Variants in DCHS2 observed in about 807,000 individuals in gnomAD.
The protein encoded by DCHS2 is protocadherin-23.
Under a neutral mutation model 182.4 loss-of-function variants are expected in DCHS2, and 142 were observed. The ratio of observed to expected loss-of-function variants is 0.78; its 90% CI spans 0.68 to 0.89. The LOEUF (loss-of-function observed/expected upper bound fraction) is 0.89. Ranked by LOEUF, DCHS2 falls within the 40% of genes least tolerant of loss-of-function variation. The pLI, the probability that DCHS2 is intolerant of heterozygous loss-of-function variation, is 0.00. For synonymous variants in DCHS2, 1,740 were observed against 1,663.3 expected, an observed-to-expected ratio of 1.05 and a Z score of -1.12; for missense variants, 4,319 against 4,198.6, an observed-to-expected ratio of 1.03 and a Z score of -0.79.
intron 7 of DCHS2, 76 bp from the exon 8 acceptor site, chr4:154,322,564 T>G: frequency 6.9e-7 from 1 of 1,453,696 alleles, no homozygotes; most frequent in East Asian, 2.5e-5. Context: ...ATCCAATATA[T>G]CGATCATTTG....
At position 154,471,952 on chromosome 4, in the gene DCHS2, T is replaced by C. The variant is rs77251472; in HGVS notation, c.2052+17352A>G. ...CTGAAAAATCATCTTCTTATTTCAA[T>C]AGTAATGGCATTAAGGATTCTACTA... On this transcript the variant is annotated intron_variant, in intron 1 of 19. Transcript: ENST00000357232. 5.2e-3 allele frequency among the ~76,000 whole-genome samples: 794 copies of C among 152,276 alleles called. 10 individuals carry two copies. Among genetic ancestry groups the C allele is most frequent in the African/African-American group, 0.019 (771 of 41,560 alleles).
chr4:154,403,235 T>C (rs972515604), intron 1 of DCHS2, among the ~76,000 whole-genome samples: 1 of 152,202 alleles, frequency 6.6e-6, no homozygotes, highest in Non-Finnish European at 1.5e-5. Context: ...ACATTTTTCT[T>C]TTTCCTAATC....
chr4:154,408,591 G>C (rs1231090841), intron 1 of DCHS2, among the ~76,000 whole-genome samples: 1 of 152,176 alleles, frequency 6.6e-6, no homozygotes, highest in Non-Finnish European at 1.5e-5. Context: ...GAAGCCCTTA[G>C]CACTCATTCC....
At chr4:154,248,055 G>A (rs1236248016) in intron 16 of DCHS2, among the ~76,000 whole-genome samples, 9 of 152,184 alleles carry the variant, frequency 5.9e-5, no homozygotes, top group African/African-American at 2.2e-4. Context: ...TAGAATATTT[G>A]ATGAAAGGCA....
At chr4:154,282,001 T>G (rs1444102581) in intron 13 of DCHS2, among the ~76,000 whole-genome samples, 1 of 152,110 alleles carries the variant, frequency 6.6e-6, no homozygotes, top group African/African-American at 2.4e-5. Flanking sequence ...GTTGGACCCT[T>G]TTCTTATACA....
At chr4:154,486,417 T>C (rs12501998) in intron 1 of DCHS2, 947,325 of 1,301,128 alleles carry the variant, frequency 0.73, 347,994 homozygotes, top group East Asian at 0.99. Flanking sequence ...TTTTATCAGA[T>C]GACATGGTAT....
intron 15 of DCHS2, among the ~76,000 whole-genome samples, chr4:154,256,170 G>C (rs1732656565): frequency 6.6e-6 from 1 of 152,058 alleles, no homozygotes; most frequent in Non-Finnish European, 1.5e-5. Context: ...TTTTGAGATA[G>C]AGTCTGGCAC....
chr4:154,236,407 G>GTT lies in DCHS2; in HGVS notation c.8243_8244dup (p.His2749AsnfsTer44). On this transcript the variant is annotated frameshift_variant, in exon 20 of 20. Transcript: ENST00000357232. LOFTEE classifies it low-confidence loss of function (END_TRUNC). ...ACAAACACAACTGCAAAAGAAAAATGTTTCTTTTCTGCATCTGAAGCTTGG... is the reference window on the plus strand; with the variant it reads ...ACAAACACAACTGCAAAAGAAAAATGTTTTTCTTTTCTGCATCTGAAGCTTGG... 3.7e-6 allele frequency: 6 copies of GTT among 1,614,046 alleles called. No individual in the cohort carries two copies. The highest frequency in any genetic ancestry group is 1.3e-5 in the African/African-American group (1 of 75,040).
At chr4:154,306,977 T>A (rs1044826193) in intron 10 of DCHS2, among the ~76,000 whole-genome samples, 1 of 152,156 alleles carries the variant, frequency 6.6e-6, no homozygotes, top group Non-Finnish European at 1.5e-5. Context: ...TACAGGTTTT[T>A]TATCCCTAAG....
chr4:154,418,473 T>C lies in DCHS2; in HGVS notation c.2053-41029A>G, dbSNP rs1309973952. 2.0e-5 allele frequency among the ~76,000 whole-genome samples: 3 copies of C among 152,316 alleles called. No homozygotes were observed. In the East Asian group the frequency reaches 5.8e-4, roughly 29 times the overall value. On this transcript the variant is annotated intron_variant, in intron 1 of 19. Coordinates refer to ENST00000357232, the MANE Select transcript of DCHS2 (RefSeq NM_001358235.2). ...TTCCACCATTTAGAAAGGATGATTA[T>C]CACACCACTGCAGCTAAAACATAAA...
At position 154,239,161 on chromosome 4, in the gene DCHS2, A is replaced by G; in HGVS notation, c.7492+9T>C. ...CCTATGAGCATTAATGCAATTATAAATAACTCACCATTCTTAGGATCAATG... is the reference window on the plus strand; with the variant it reads ...CCTATGAGCATTAATGCAATTATAAGTAACTCACCATTCTTAGGATCAATG... On this transcript the variant is annotated intron_variant, in intron 19 of 19. Coordinates refer to ENST00000357232, the MANE Select transcript of DCHS2 (RefSeq NM_001358235.2). The G allele has an allele frequency of 6.2e-7, 1 of 1,609,086 alleles. No homozygotes were observed. Among genetic ancestry groups the G allele is most frequent in the Non-Finnish European group, 8.5e-7 (1 of 1,178,084 alleles).
rs781169254 is a variant in DCHS2, at chr4:154,332,551, G to C, written c.3657C>G (p.Asp1219Glu). 1 of 1,614,144 alleles carries C rather than the reference G, an allele frequency of 6.2e-7. No individual in the cohort carries two copies. Among genetic ancestry groups the C allele is most frequent in the Non-Finnish European group, 8.5e-7 (1 of 1,180,006 alleles). ...ATAATAGCTGTCCATTCTTTCCAGA[G>C]TCCATGTCAATAGCTGTAATTTTGC... ...VIGKITAIDMDSGKNGQLLYF... is the reference protein window; with the variant it reads ...VIGKITAIDMESGKNGQLLYF... The change falls in exon 5 of 20, where the codon GAC (aspartate) becomes GAG (glutamate). Residue 1219 changes from aspartate (D) to glutamate (E), a missense_variant. Physicochemically the swap from Asp to Glu is conservative, Grantham distance 45. Coordinates refer to ENST00000357232, the MANE Select transcript of DCHS2 (RefSeq NM_001358235.2).
intron 10 of DCHS2, among the ~76,000 whole-genome samples, chr4:154,307,141 C>T (rs1400862711): frequency 6.6e-6 from 1 of 152,152 alleles, no homozygotes; most frequent in Admixed American, 6.6e-5. Flanking sequence ...TTTACTATGG[C>T]TTATTTGGAA....
chr4:154,323,137 G>T, intron 7 of DCHS2: 6 of 1,453,320 alleles, frequency 4.1e-6, no homozygotes, highest in Non-Finnish European at 5.5e-6. Flanking sequence ...CATTTTCCAT[G>T]ATCTAGATTT....
chr4:154,457,916 C>T (rs1480870743), intron 1 of DCHS2, among the ~76,000 whole-genome samples: 1 of 152,194 alleles, frequency 6.6e-6, no homozygotes, highest in Non-Finnish European at 1.5e-5. Context: ...ATAATCAGGA[C>T]AATCCATTCA....
chr4:154,304,767 A>T lies in DCHS2; in HGVS notation c.5507T>A (p.Ile1836Asn). The part of the protein sequence containing the change: ...APEFIVSSYD[I>N]EVLENQEPEV... The stretch of plus-strand genomic sequence containing the variant: ...TGGTTCCTGGTTTTCCAGAACCTCA[A>T]TGTCATAACTGGAAACAATAAACTC... The change falls in exon 12 of 20, where the codon ATT becomes AAT. Residue 1836 changes from isoleucine to asparagine, a missense_variant. Physicochemically the swap from Ile to Asn is moderately radical, Grantham distance 149. Transcript: ENST00000357232. 6.2e-7 allele frequency: 1 copy of T among 1,614,072 alleles called. No individual in the cohort carries two copies. The highest frequency in any genetic ancestry group is 8.5e-7 in the Non-Finnish European group (1 of 1,179,974).
At chr4:154,351,671 A>G (rs1366715546) in intron 3 of DCHS2, among the ~76,000 whole-genome samples, 3 of 152,212 alleles carry the variant, frequency 2.0e-5, no homozygotes, top group African/African-American at 7.2e-5. Flanking sequence ...TTTCAGGATA[A>G]AAGTGGTCCA....
At chr4:154,366,174 T>G (rs373585390) in intron 3 of DCHS2, 36 bp downstream of exon 3, 67 of 1,557,660 alleles carry the variant, frequency 4.3e-5, no homozygotes, top group Non-Finnish European at 5.7e-5. Flanking sequence ...AGAAACTTTA[T>G]AGCCAAAGGA....
chr4:154,469,026 T>C (rs547660858), intron 1 of DCHS2, among the ~76,000 whole-genome samples: 3 of 152,284 alleles, frequency 2.0e-5, no homozygotes, highest in South Asian at 4.1e-4. Flanking sequence ...AAACATCAAG[T>C]TGTACACCTT....
Sources: gnomAD v4.1 joint callset for allele counts (sites outside exome capture counted in the v4.1 genomes callset) on GRCh38, gnomAD v4.1.1 for gene constraint, MANE v1.5 for transcripts, NCBI Gene and HGNC (gene_info 2026-07-23, HGNC 2026-07-21) for gene names.